The following MBP variants were observed in gnomAD, a reference collection of about 807,000 sequenced individuals.
MBP encodes the protein Golli-MBP.
MBP carries 16 observed loss-of-function variants against 35.8 expected under a neutral mutation model. The ratio of observed to expected loss-of-function variants is 0.45; its 90% confidence interval spans 0.30 to 0.68. The LOEUF is 0.68. Among genes scored for constraint, MBP ranks in the 30% least tolerant of loss-of-function variants. The probability of loss-of-function intolerance (pLI) is 0.08; values close to 1 mark genes in which losing one functional copy is unlikely to be tolerated. For missense variants in MBP, 380 were observed against 404.7 expected, an observed-to-expected ratio of 0.94 and a Z score of 0.52; for synonymous variants, 143 against 159.6, an observed-to-expected ratio of 0.90 and a Z score of 0.78.
Position 77,022,253 on chromosome 18 carries a change from C to T in MBP, c.140-4985G>A, listed in dbSNP as rs369130314. On this transcript the variant is annotated intron_variant, in intron 3 of 8. Transcript: ENST00000355994. ...AAAGCCAGCAGTTGGAACCCAGGGTCGCGGTGGTCTCGTCCATGCACCCAA... is the reference window on the plus strand; with the variant it reads ...AAAGCCAGCAGTTGGAACCCAGGGTTGCGGTGGTCTCGTCCATGCACCCAA... Among the ~76,000 whole-genome samples, 316 of 152,272 alleles carry T rather than the reference C, an allele frequency of 2.1e-3. 2 individuals are homozygous for T. Among genetic ancestry groups the T allele is most frequent in the African/African-American group, 7.2e-3 (301 of 41,548 alleles).
At position 77,104,142 on chromosome 18, in the gene MBP, G is replaced by A. The variant is rs543026045; in HGVS notation, c.51+1069C>T. On this transcript the variant is annotated intron_variant, in intron 2 of 8. Coordinates refer to ENST00000355994, the MANE Select transcript of MBP (RefSeq NM_001025101.2). ...CTGAGGACCTTGGACTTTAGTCTGC[G>A]CTAAGGACTTCCTGGAAGTTCTAGG... Among the ~76,000 whole-genome samples, 7 of 152,338 alleles carry A rather than the reference G, an allele frequency of 4.6e-5. No homozygotes were observed. In the South Asian group the frequency reaches 6.2e-4, roughly 14 times the overall value.
At chr18:77,070,302 A>T (rs1974388876) in intron 2 of MBP, among the ~76,000 whole-genome samples, 1 of 152,214 alleles carries the variant, frequency 6.6e-6, no homozygotes, top group Non-Finnish European at 1.5e-5. Flanking sequence ...ACGCATTTCA[A>T]GCAAGGGTGC....
At chr18:77,068,938 G>A (rs1974317160) in intron 2 of MBP, 1 of 460,254 alleles carries the variant, frequency 2.2e-6, no homozygotes, top group South Asian at 1.5e-5. Context: ...CCACGGAGCT[G>A]AGCCTTGGGG....
chr18:77,109,448 C>T (rs1379973515), intron 1 of MBP: 1 of 152,226 alleles, frequency 6.6e-6, no homozygotes, highest in Non-Finnish European at 1.5e-5. Flanking sequence ...GAAGGACATT[C>T]ACGAGACAGC....
At chr18:77,106,985 G>A (rs1976299579) in intron 1 of MBP, among the ~76,000 whole-genome samples, 1 of 152,158 alleles carries the variant, frequency 6.6e-6, no homozygotes, top group Admixed American at 6.5e-5. Context: ...TCCTTTTAGG[G>A]TCTAAGAAAG....
intron 2 of MBP, among the ~76,000 whole-genome samples, chr18:77,099,534 C>T (rs978715804): frequency 3.3e-5 from 5 of 152,250 alleles, no homozygotes; most frequent in Non-Finnish European, 7.3e-5. Context: ...TTTCCTGTGG[C>T]CACGAGAAGA....
intron 3 of MBP, among the ~76,000 whole-genome samples, chr18:77,038,609 C>T (rs1972865935): frequency 6.6e-6 from 1 of 152,220 alleles, no homozygotes; most frequent in Non-Finnish European, 1.5e-5. Flanking sequence ...ACATTTCCAG[C>T]ACCTAACCCA....
intron 4 of MBP, chr18:77,009,810 C>A (rs375545413): frequency 9.6e-5 from 146 of 1,521,512 alleles, no homozygotes; most frequent in Non-Finnish European, 1.3e-4. Flanking sequence ...CGGCAGGTCA[C>A]CCCTGGCCCC....
chr18:77,067,690 G>A (rs964517954), intron 2 of MBP: 15 of 396,512 alleles, frequency 3.8e-5, no homozygotes, highest in South Asian at 1.5e-4. Flanking sequence ...TGCTTCTCTC[G>A]GGTGCCACTC....
intron 4 of MBP, among the ~76,000 whole-genome samples, chr18:77,008,942 G>A (rs1406339384): frequency 6.6e-6 from 1 of 152,220 alleles, no homozygotes; most frequent in Admixed American, 6.5e-5. Context: ...TCTGAAGAGG[G>A]GTACCCCAGC....
rs373004648 is a variant in MBP, at chr18:77,060,213, G to T, written c.139+6085C>A. Among the ~76,000 whole-genome samples, 11 of 152,268 alleles carry T rather than the reference G, an allele frequency of 7.2e-5. 1 individual carries two copies. In the East Asian group the frequency reaches 1.5e-3, roughly 21 times the overall value. ...TCTTCCACCTCCAGTATATGGCACG[G>T]CACATTGGAGGTGCTCAAAAATGAT... On this transcript the variant is annotated intron_variant, in intron 3 of 8. Transcript: ENST00000355994.
At chr18:77,060,178 C>G (rs1973908050) in intron 3 of MBP, among the ~76,000 whole-genome samples, 1 of 152,196 alleles carries the variant, frequency 6.6e-6, no homozygotes, top group Admixed American at 6.5e-5. Context: ...CTCTAACCTC[C>G]TGCCCTCTCT....
Position 77,102,777 on chromosome 18 carries a change from A to C in MBP, c.51+2434T>G. 6.6e-6 allele frequency among the ~76,000 whole-genome samples: 1 copy of C among 152,216 alleles called. No individual in the cohort carries two copies. Among genetic ancestry groups the C allele is most frequent in the Non-Finnish European group, 1.5e-5 (1 of 68,044 alleles). ...GCAAATCAGTCATTCTAAGACTTAA[A>C]ATACCAACAGTGTTAACAGCCTAGA... On this transcript the variant is annotated intron_variant, in intron 2 of 8. Coordinates refer to ENST00000355994, the MANE Select transcript of MBP (RefSeq NM_001025101.2). The surrounding 1 kb of genome is among the most constrained non-coding windows in gnomAD (Gnocchi z 4.4).
At chr18:76,981,632 C>T (rs967078261) in intron 8 of MBP, 1 of 152,248 alleles carries the variant, frequency 6.6e-6, no homozygotes, top group Non-Finnish European at 1.5e-5. Context: ...GAAGCCGCTT[C>T]AGGAACCATC....
intron 4 of MBP, chr18:77,004,138 C>T (rs1255785282): frequency 6.6e-6 from 1 of 152,122 alleles, no homozygotes; most frequent in Non-Finnish European, 1.5e-5. Context: ...ACTCTCCATC[C>T]CCCTGACTTC....
intron 4 of MBP, among the ~76,000 whole-genome samples, chr18:76,991,593 G>A (rs910081551): frequency 2.6e-5 from 4 of 152,192 alleles, no homozygotes; most frequent in African/African-American, 9.7e-5. Context: ...GGGAGCTTGC[G>A]AGATTGATTT....
At position 76,980,750 on chromosome 18, in the gene MBP, G is replaced by A. The variant is rs544919259; in HGVS notation, c.871-279C>T. On this transcript the variant is annotated intron_variant, in intron 8 of 8. Coordinates refer to ENST00000355994, the MANE Select transcript of MBP (RefSeq NM_001025101.2). ...CATAACCACTGCTCTGCAAAACAAC[G>A]CTGCACTTCTGTGGGTGAAAGTGCA... The A allele has an allele frequency of 7.7e-5, 33 of 428,436 alleles. No homozygotes were observed. In the South Asian group the frequency reaches 1.0e-3, roughly 13 times the overall value. The allele number at this position is 428,436 out of a possible 1,614,324, so 26.5% of individuals were successfully genotyped here.
At chr18:77,009,931 CG>C in intron 4 of MBP, 1 of 1,576,636 alleles carries the variant, frequency 6.3e-7, no homozygotes, top group Admixed American at 1.8e-5. Context: ...GGGTACCTGC[CG>C]GGGGACACAG....
chr18:77,077,294 G>A (rs1270178428), intron 2 of MBP, among the ~76,000 whole-genome samples: 1 of 147,550 alleles, frequency 6.8e-6, no homozygotes, highest in Non-Finnish European at 1.5e-5. Flanking sequence ...CCTGGGAAGC[G>A]GAGGTTGCAG....
Sources: allele counts gnomAD v4.1 joint callset (sites outside exome capture counted in the v4.1 genomes callset), GRCh38; gene constraint gnomAD v4.1.1; non-coding constraint Gnocchi (gnomAD v3.1); transcripts MANE v1.5; gene names NCBI Gene and HGNC (gene_info 2026-07-23, HGNC 2026-07-21).